Variants in GABRA3 observed in about 807,000 individuals in gnomAD.
GABRA3 encodes gamma-aminobutyric acid receptor subunit alpha-3.
Under a neutral mutation model 30.1 loss-of-function variants are expected in GABRA3, and 10 were observed. The observed-to-expected ratio is 0.33, with a 90% CI of 0.20 to 0.56. The LOEUF is 0.56. Among genes scored for constraint, GABRA3 ranks in the 20% least tolerant of loss-of-function variants. The pLI, the probability that GABRA3 is intolerant of heterozygous loss-of-function variation, is 0.89. For synonymous variants in GABRA3, 151 were observed against 146.8 expected (o/e 1.03, Z -0.21); for missense variants, 233 against 392.0 (o/e 0.59, Z 3.42).
chrX:152,294,055 T>C (rs1326974696), intron 3 of GABRA3, among the ~76,000 whole-genome samples: 1 of 111,575 alleles, frequency 9.0e-6, no homozygotes, highest in Non-Finnish European at 1.9e-5. Context: ...TGGCTGCCCT[T>C]AACATTTTTC....
At chrX:152,400,157 A>G (rs1320933685) in intron 1 of GABRA3, among the ~76,000 whole-genome samples, 1 of 111,185 alleles carries the variant, frequency 9.0e-6, no homozygotes, top group Non-Finnish European at 1.9e-5. Context: ...TATTAGTTTT[A>G]TTTACTCATT....
chrX:152,341,070 G>C (rs1227725006), intron 3 of GABRA3, among the ~76,000 whole-genome samples: 1 of 110,359 alleles, frequency 9.1e-6, no homozygotes, highest in East Asian at 2.9e-4. Context: ...TTATCACTCT[G>C]TCTGCCTTTG....
chrX:152,258,967 A>G (rs141404132), intron 4 of GABRA3, among the ~76,000 whole-genome samples: 2,597 of 111,783 alleles, frequency 0.023, 37 homozygotes, highest in Middle Eastern at 0.065. Context: ...TGAAAGAGTT[A>G]CAGAAGAGGT....
chrX:152,368,854 G>C (rs747284670), intron 1 of GABRA3, among the ~76,000 whole-genome samples: 11 of 107,711 alleles, frequency 1.0e-4, no homozygotes, highest in African/African-American at 1.7e-4. Flanking sequence ...TACAGGCACC[G>C]GCCACCACGC....
intron 9 of GABRA3, 116 bp downstream of exon 9, chrX:152,189,614 C>G: frequency 1.9e-6 from 1 of 518,548 alleles, no homozygotes; most frequent in Non-Finnish European, 3.2e-6. Flanking sequence ...GGATTGATGA[C>G]CCCAGTGCAT....
chrX:152,213,017 A>G (rs1302614430), intron 6 of GABRA3, among the ~76,000 whole-genome samples: 2 of 111,187 alleles, frequency 1.8e-5, no homozygotes, highest in Non-Finnish European at 3.8e-5. Context: ...CTACCTGACA[A>G]TTAGAACTTT....
At chrX:152,170,812 TGA>T (rs1304390570) in intron 9 of GABRA3, among the ~76,000 whole-genome samples, 1 of 112,014 alleles carries the variant, frequency 8.9e-6, no homozygotes, top group Non-Finnish European at 1.9e-5. Flanking sequence ...GTGCGACAGA[TGA>T]GAGGATGTTG....
chrX:152,226,215 T>G (rs909771214), intron 5 of GABRA3, among the ~76,000 whole-genome samples: 6 of 111,864 alleles, frequency 5.4e-5, no homozygotes, highest in African/African-American at 1.9e-4. Flanking sequence ...AGGCTATTGC[T>G]GCTTAACACG....
chrX:152,289,313 ATCCACACAACAAAG>A (rs756610423), intron 3 of GABRA3, among the ~76,000 whole-genome samples: 3 of 109,382 alleles, frequency 2.7e-5, no homozygotes, highest in Non-Finnish European at 3.8e-5. Flanking sequence ...TACCCTTTGG[ATCCACACAACAAAG>A]TCTGCTTTCT....
chrX:152,339,556 T>C (rs1313809077), intron 3 of GABRA3, among the ~76,000 whole-genome samples: 1 of 111,757 alleles, frequency 8.9e-6, no homozygotes, highest in Non-Finnish European at 1.9e-5. Context: ...ATGCAGAATA[T>C]GGTCTATTTT....
chrX:152,275,251 A>ATAATTT (rs1427171177), intron 4 of GABRA3, among the ~76,000 whole-genome samples: 2 of 50,735 alleles, frequency 3.9e-5, no homozygotes, highest in African/African-American at 1.1e-4. Context: ...TATTATATAT[A>ATAATTT]ATAAAATATA....
chrX:152,262,164 G>A (rs1308195280), intron 4 of GABRA3, among the ~76,000 whole-genome samples: 3 of 112,358 alleles, frequency 2.7e-5, no homozygotes, highest in Non-Finnish European at 5.6e-5. Context: ...GGAGCAGGGG[G>A]TTCCTGGACC....
chrX:152,223,079 C>T (rs1304370476), intron 6 of GABRA3, among the ~76,000 whole-genome samples: 1 of 111,664 alleles, frequency 9.0e-6, no homozygotes, highest in Non-Finnish European at 1.9e-5. Flanking sequence ...TTCTCATCCA[C>T]CAGTATGAGC....
chrX:152,362,015 A>C (rs1448290864), intron 2 of GABRA3, among the ~76,000 whole-genome samples: 1 of 111,741 alleles, frequency 8.9e-6, no homozygotes, highest in Non-Finnish European at 1.9e-5. Flanking sequence ...AGGAGTTAAC[A>C]AAACAGAACT....
At chrX:152,339,070 G>A (rs28870486) in intron 3 of GABRA3, among the ~76,000 whole-genome samples, 4,364 of 110,103 alleles carry the variant, frequency 0.04, 205 homozygotes, top group African/African-American at 0.14. Flanking sequence ...TATGAAGAAC[G>A]TCTTTGGTAT....
At position 152,328,450 on chromosome X, in the gene GABRA3, A is replaced by T. The variant is rs1208509242; in HGVS notation, c.262+17131T>A. Among the ~76,000 whole-genome samples, 4 of 112,105 alleles carry T rather than the reference A, an allele frequency of 3.6e-5. No individual in the cohort carries two copies. The East Asian group carries it at 1.1e-3, about 31-fold the overall frequency. On this transcript the variant is annotated intron_variant, in intron 3 of 9. Coordinates refer to ENST00000370314, the MANE Select transcript of GABRA3 (RefSeq NM_000808.4). ...ATGAACATCGATGCAAAAATCCTCA[A>T]TAAAATACTGGCAAACCGAATCCAG...
intron 4 of GABRA3, among the ~76,000 whole-genome samples, chrX:152,259,584 C>A (rs1471892803): frequency 9.0e-6 from 1 of 111,453 alleles, no homozygotes; most frequent in African/African-American, 3.3e-5. Flanking sequence ...TTGTGAGGCC[C>A]TTTTTACAGG....
chrX:152,235,997 AT>A (rs55643701), intron 5 of GABRA3, among the ~76,000 whole-genome samples: 2,267 of 91,425 alleles, frequency 0.025, 36 homozygotes, highest in Middle Eastern at 0.054. Context: ...TTTTTTTTTA[AT>A]TTTTTTTTAT....
chrX:152,346,227 T>TA (rs1940390462), intron 2 of GABRA3, among the ~76,000 whole-genome samples: 1 of 111,211 alleles, frequency 9.0e-6, no homozygotes, highest in East Asian at 2.8e-4. Flanking sequence ...ATCAAGAACA[T>TA]ACACTGGAAA....
Sources: gnomAD v4.1 joint callset for allele counts (sites outside exome capture counted in the v4.1 genomes callset) on GRCh38, gnomAD v4.1.1 for gene constraint, MANE v1.5 for transcripts, NCBI Gene and HGNC (gene_info 2026-07-23, HGNC 2026-07-21) for gene names.